The following RTN4RL1 variants were observed in gnomAD, a reference collection of about 807,000 sequenced individuals.
RTN4RL1 encodes reticulon-4 receptor-like 1.
A neutral mutation model predicts 25.6 loss-of-function variants in RTN4RL1; 7 were observed. That is an observed-to-expected ratio of 0.27 (90% CI 0.16 to 0.51). The LOEUF (loss-of-function observed/expected upper bound fraction) is 0.51, where lower values mean the gene tolerates loss of function less well. RTN4RL1 is among the 20% of genes least tolerant of loss of function. RTN4RL1 has a pLI of 0.97. For synonymous variants in RTN4RL1, 297 were observed against 288.2 expected (o/e 1.03, Z -0.31); for missense variants, 500 against 615.6 (o/e 0.81, Z 1.99).
Position 1,998,518 on chromosome 17 carries a change from A to C in RTN4RL1, c.13+26335T>G, listed in dbSNP as rs1029333427. Among the ~76,000 whole-genome samples the C allele has an allele frequency of 2.6e-5, 4 of 151,818 alleles. No individual in the cohort carries two copies. In the South Asian group the frequency reaches 6.2e-4, roughly 24 times the overall value. ...CCCCGCGGCTGCCCCCGGGCCGGCC[A>C]CCGCTGCCCAGCGCGCAGGTCCCTG... On this transcript the variant is annotated intron_variant, in intron 1 of 1. Transcript: ENST00000331238. This position sits in a 1 kb window ranked among gnomAD's most constrained non-coding sequence, Gnocchi z 4.9.
At chr17:2,015,241 G>T (rs1023157428) in intron 1 of RTN4RL1, among the ~76,000 whole-genome samples, 2 of 152,188 alleles carry the variant, frequency 1.3e-5, no homozygotes, top group African/African-American at 4.8e-5. Context: ...TGGGCTGGGG[G>T]TGGCTGGAGA....
intron 1 of RTN4RL1, among the ~76,000 whole-genome samples, chr17:1,964,701 C>T (rs1385443062): frequency 3.3e-5 from 5 of 151,686 alleles, no homozygotes; most frequent in Non-Finnish European, 2.9e-5. Flanking sequence ...CAGTGCACTC[C>T]AGCCTGGGCG....
intron 1 of RTN4RL1, among the ~76,000 whole-genome samples, chr17:1,985,411 C>A (rs566982067): frequency 6.6e-6 from 1 of 152,308 alleles, no homozygotes; most frequent in Admixed American, 6.5e-5. Flanking sequence ...AGATGGGAAA[C>A]GAAGATCCCA....
intron 1 of RTN4RL1, among the ~76,000 whole-genome samples, chr17:1,999,497 T>C (rs2066946765): frequency 6.6e-6 from 1 of 151,650 alleles, no homozygotes. Flanking sequence ...CCCATCCCTA[T>C]CCACGTATGT....
intron 1 of RTN4RL1, among the ~76,000 whole-genome samples, chr17:1,984,302 A>C (rs2066879263): frequency 6.6e-6 from 1 of 152,226 alleles, no homozygotes; most frequent in Non-Finnish European, 1.5e-5. Flanking sequence ...CTCTGGAAGC[A>C]GCTTGGCGTG....
rs191224848 is a variant in RTN4RL1 at position 2,004,241 on chromosome 17, G to A, written c.13+20612C>T. On this transcript the variant is annotated intron_variant, in intron 1 of 1. Transcript: ENST00000331238. ...AAATTAGCCGGGTGTGGTGGCGGGCGCCTGTAGTCCTAGCTACTCGGGAGG... is the reference window on the plus strand; with the variant it reads ...AAATTAGCCGGGTGTGGTGGCGGGCACCTGTAGTCCTAGCTACTCGGGAGG... Among the ~76,000 whole-genome samples the A allele has an allele frequency of 8.9e-3, 1,351 of 151,106 alleles. 13 individuals are homozygous for A. Among genetic ancestry groups the A allele is most frequent in the African/African-American group, 0.031 (1,271 of 41,094 alleles).
At position 1,935,751 on chromosome 17, in the gene RTN4RL1, A is replaced by ATATG. The variant is rs1555601241; in HGVS notation, c.*741_*744dup. The ATATG allele has an allele frequency of 1.5e-3, 458 of 297,008 alleles. 10 individuals are homozygous for ATATG. The highest frequency in any genetic ancestry group is 0.011 in the African/African-American group (433 of 39,570). The allele number at this position is 297,008 out of a possible 1,614,324, so 18.4% of individuals were successfully genotyped here. Reference sequence around the variant, plus strand: ...TATATATATATATATATATATATATATATGTAGAGTGTGAATATATATAAG... The same window carrying ATATG: ...TATATATATATATATATATATATATATATGTATGTAGAGTGTGAATATATATAAG... On this transcript the variant is annotated 3_prime_UTR_variant, in exon 2 of 2. Transcript: ENST00000331238.
chr17:2,019,845 C>G (rs2067177605), intron 1 of RTN4RL1: 1 of 152,220 alleles, frequency 6.6e-6, no homozygotes, highest in African/African-American at 2.4e-5. Flanking sequence ...GGAATTGTTT[C>G]CCATGCTGGC....
At chr17:2,021,911 G>A (rs1294205583) in intron 1 of RTN4RL1, among the ~76,000 whole-genome samples, 1 of 148,950 alleles carries the variant, frequency 6.7e-6, no homozygotes, top group South Asian at 2.2e-4. Context: ...CAGGCTGGAG[G>A]GCAGTTGTAC....
At chr17:2,008,692 C>T (rs189711855) in intron 1 of RTN4RL1, among the ~76,000 whole-genome samples, 34 of 152,284 alleles carry the variant, frequency 2.2e-4, no homozygotes, top group African/African-American at 8.2e-4. Context: ...CTACCACTAA[C>T]TGATCTGCCA....
rs767233639 is a variant in RTN4RL1 at position 1,934,814 on chromosome 17, G to GC, written c.*1681dup. On this transcript the variant is annotated 3_prime_UTR_variant, in exon 2 of 2. Coordinates refer to ENST00000331238, the MANE Select transcript of RTN4RL1 (RefSeq NM_178568.4). The surrounding 1 kb of genome is among the most constrained non-coding windows in gnomAD (Gnocchi z 4.0). Reference sequence around the variant, plus strand: ...CACAAAGGAGCTTGTACCCACCTGGGCCCCCGGCCAGCAGCACGGCCGGCT... The same window carrying GC: ...CACAAAGGAGCTTGTACCCACCTGGGCCCCCCGGCCAGCAGCACGGCCGGCT... 1 of 152,618 alleles carries GC rather than the reference G, an allele frequency of 6.6e-6. No individual in the cohort carries two copies. Among genetic ancestry groups the GC allele is most frequent in the South Asian group, 2.1e-4 (1 of 4,822 alleles). 9.5% of individuals were successfully genotyped at this position (152,618 alleles called of 1,614,324 possible).
At chr17:1,965,740 CCCCCACTG>C (rs2066787817) in intron 1 of RTN4RL1, among the ~76,000 whole-genome samples, 1 of 152,202 alleles carries the variant, frequency 6.6e-6, no homozygotes, top group Non-Finnish European at 1.5e-5. Flanking sequence ...CCCCGCCAGG[CCCCCACTG>C]CCCTCAGCGC....
intron 1 of RTN4RL1, among the ~76,000 whole-genome samples, chr17:1,943,027 C>T (rs959972515): frequency 6.6e-6 from 1 of 152,244 alleles, no homozygotes; most frequent in Non-Finnish European, 1.5e-5. Context: ...CCAGCCCTCA[C>T]AGGGCCCTTG....
intron 1 of RTN4RL1, among the ~76,000 whole-genome samples, chr17:1,939,246 G>T (rs1050779897): frequency 1.4e-5 from 2 of 147,840 alleles, no homozygotes; most frequent in Non-Finnish European, 3.0e-5. Context: ...CCAGCTACTT[G>T]GGAGGCTGAG....
intron 1 of RTN4RL1, among the ~76,000 whole-genome samples, chr17:2,007,882 G>A (rs1036081634): frequency 6.6e-6 from 1 of 151,922 alleles, no homozygotes; most frequent in Non-Finnish European, 1.5e-5. Flanking sequence ...GAAGGAGGAG[G>A]CTGCAGTGAG....
At chr17:1,969,260 T>C (rs544002358) in intron 1 of RTN4RL1, among the ~76,000 whole-genome samples, 1 of 152,138 alleles carries the variant, frequency 6.6e-6, no homozygotes, top group Non-Finnish European at 1.5e-5. Flanking sequence ...GATTTCACCA[T>C]GTTGGCCAGG....
chr17:1,936,260 C>T lies in RTN4RL1; in HGVS notation c.*236G>A, dbSNP rs1200280074. ...TGCCAGAGTGGACACTGTCCGTGGG[C>T]GCTCTGCGGGGCTGGCTGGGACAGC... On this transcript the variant is annotated 3_prime_UTR_variant, in exon 2 of 2. Coordinates refer to ENST00000331238, the MANE Select transcript of RTN4RL1 (RefSeq NM_178568.4). The T allele has an allele frequency of 2.4e-5, 33 of 1,362,084 alleles. No individual in the cohort carries two copies. The highest frequency in any genetic ancestry group is 3.6e-5 in the South Asian group (2 of 55,046). The allele number at this position is 1,362,084 out of a possible 1,614,324, so 84.4% of individuals were successfully genotyped here.
chr17:2,017,948 T>G (rs932356130), intron 1 of RTN4RL1: 1 of 152,490 alleles, frequency 6.6e-6, no homozygotes, highest in Admixed American at 6.5e-5. Context: ...TGTTTCATCT[T>G]CTTTCTTTTC....
At chr17:1,944,196 C>T (rs1486393550) in intron 1 of RTN4RL1, among the ~76,000 whole-genome samples, 1 of 151,972 alleles carries the variant, frequency 6.6e-6, no homozygotes, top group Non-Finnish European at 1.5e-5. Flanking sequence ...CGCGAGCTAC[C>T]TCGCCCAGCC....
Sources: allele counts gnomAD v4.1 joint callset (sites outside exome capture counted in the v4.1 genomes callset), GRCh38; gene constraint gnomAD v4.1.1; non-coding constraint Gnocchi (gnomAD v3.1); transcripts MANE v1.5; gene names NCBI Gene and HGNC (gene_info 2026-07-23, HGNC 2026-07-21).